GLT1D1: variants seen among roughly 807,000 people sequenced by gnomAD.
GLT1D1 encodes glycosyltransferase 1 domain-containing protein 1.
GLT1D1 carries 21 observed loss-of-function variants against 28.7 expected under a neutral mutation model. The observed-to-expected ratio is 0.73, with a 90% CI of 0.52 to 1.05. GLT1D1 has a LOEUF of 1.05. Among genes scored for constraint, GLT1D1 ranks in the 50% least tolerant of loss-of-function variants. The pLI, the probability that GLT1D1 is intolerant of heterozygous loss-of-function variation, is 0.00. For missense variants in GLT1D1, 343 were observed against 330.6 expected, an observed-to-expected ratio of 1.04 and a Z score of -0.29; for synonymous variants, 147 against 124.8, an observed-to-expected ratio of 1.18 and a Z score of -1.19.
At chr12:128,904,782 CA>C (rs1481490348) in intron 4 of GLT1D1, among the ~76,000 whole-genome samples, 1 of 151,500 alleles carries the variant, frequency 6.6e-6, no homozygotes, top group Non-Finnish European at 1.5e-5. Flanking sequence ...TACAGATGCC[CA>C]CCACCACACC....
At chr12:128,927,820 G>A (rs1873387968) in intron 4 of GLT1D1, among the ~76,000 whole-genome samples, 1 of 151,146 alleles carries the variant, frequency 6.6e-6, no homozygotes, top group Admixed American at 6.6e-5. Context: ...ACAACATGGT[G>A]AAACCCCCAT....
intron 3 of GLT1D1, among the ~76,000 whole-genome samples, chr12:128,891,872 A>G (rs1280352716): frequency 6.6e-6 from 1 of 152,200 alleles, no homozygotes; most frequent in African/African-American, 2.4e-5. Flanking sequence ...ACACGCACTC[A>G]TGACCCAGCC....
At chr12:128,982,714 G>A (rs142902814) in intron 7 of GLT1D1, among the ~76,000 whole-genome samples, 33 of 151,910 alleles carry the variant, frequency 2.2e-4, no homozygotes, top group Admixed American at 6.6e-4. Context: ...GTGTGTGCAT[G>A]TATGTGTGCG....
chr12:128,936,906 G>T (rs533700884), intron 4 of GLT1D1, among the ~76,000 whole-genome samples: 29 of 152,208 alleles, frequency 1.9e-4, no homozygotes, highest in African/African-American at 6.5e-4. Flanking sequence ...CTTGCACTTT[G>T]TTCCACGTGG....
chr12:128,866,551 G>A (rs1956526105), intron 1 of GLT1D1, among the ~76,000 whole-genome samples: 1 of 148,894 alleles, frequency 6.7e-6, no homozygotes, highest in Admixed American at 6.8e-5. Flanking sequence ...CTGTGTGCTG[G>A]ACTTTGTTAG....
intron 4 of GLT1D1, among the ~76,000 whole-genome samples, chr12:128,919,159 C>G (rs1248668481): frequency 6.6e-6 from 1 of 152,092 alleles, no homozygotes; most frequent in African/African-American, 2.4e-5. Flanking sequence ...TGGGGATGGG[C>G]CGTCCTCATC....
intron 4 of GLT1D1, chr12:128,944,471 G>A: frequency 2.3e-6 from 3 of 1,305,726 alleles, no homozygotes; most frequent in South Asian, 1.2e-5. Flanking sequence ...TCATCCTCAC[G>A]CTGAATGAGC....
At chr12:128,862,028 G>A (rs553192874) in intron 1 of GLT1D1, among the ~76,000 whole-genome samples, 8 of 152,024 alleles carry the variant, frequency 5.3e-5, no homozygotes, top group Admixed American at 1.3e-4. Flanking sequence ...ATTTTTCCAC[G>A]TCCAAAGATA....
rs1218887076 is a variant in GLT1D1 at position 128,983,378 on chromosome 12, A to G, written c.*288A>G. Reference sequence around the variant, plus strand: ...GGAACTGGTTTTCAGGGAATTTGGGAGAGAATTTGATTACCTGCCTTAGGG... The same window carrying G: ...GGAACTGGTTTTCAGGGAATTTGGGGGAGAATTTGATTACCTGCCTTAGGG... On this transcript the variant is annotated 3_prime_UTR_variant, in exon 8 of 8. Coordinates refer to ENST00000281703, the MANE Select transcript of GLT1D1 (RefSeq NM_144669.3). This position sits in a 1 kb window ranked among gnomAD's most constrained non-coding sequence, Gnocchi z 4.7. 3 of 363,848 alleles carry G rather than the reference A, an allele frequency of 8.2e-6. No individual in the cohort carries two copies. The highest frequency in any genetic ancestry group is 2.0e-5 in the African/African-American group (1 of 49,576). 22.5% of individuals were successfully genotyped at this position (363,848 alleles called of 1,614,324 possible). A position where few individuals can be genotyped will look rare whatever the true frequency, so the allele number is the denominator to read the frequency against.
intron 4 of GLT1D1, among the ~76,000 whole-genome samples, chr12:128,915,315 GTAGT>G (rs1365518013): frequency 1.3e-5 from 2 of 151,406 alleles, no homozygotes; most frequent in African/African-American, 4.9e-5. Context: ...AATTATACAC[GTAGT>G]TAAATTACCA....
intron 7 of GLT1D1, among the ~76,000 whole-genome samples, chr12:128,975,491 C>T (rs1175119681): frequency 2.0e-5 from 3 of 152,184 alleles, no homozygotes; most frequent in Admixed American, 6.5e-5. Flanking sequence ...CACTCTGTCA[C>T]CCAAGCTGGA....
intron 7 of GLT1D1, among the ~76,000 whole-genome samples, chr12:128,967,895 T>A (rs1456122963): frequency 6.6e-6 from 1 of 152,220 alleles, no homozygotes; most frequent in African/African-American, 2.4e-5. Context: ...GAGATGCAGA[T>A]CCTGCTGCGT....
chr12:128,869,028 C>T (rs556313669), intron 1 of GLT1D1, among the ~76,000 whole-genome samples: 9 of 152,154 alleles, frequency 5.9e-5, no homozygotes, highest in African/African-American at 2.2e-4. Context: ...CACTACCACG[C>T]CCAGCTAATT....
In GLT1D1 at chr12:128,888,663, T is replaced by C; in HGVS notation, c.242T>C (p.Ile81Thr). ...GGCCACCGAATCCCTTTTGGAGTCATCTTTGGTGGAACTGATGTAAATGAA... is the reference window on the plus strand; with the variant it reads ...GGCCACCGAATCCCTTTTGGAGTCACCTTTGGTGGAACTGATGTAAATGAA... Residue 81 changes from isoleucine (I) to threonine (T), a missense_variant, in exon 3 of 8, where the codon ATC (isoleucine) becomes ACC (threonine). Ile to Thr is a moderately conservative substitution (Grantham distance 89). Coordinates refer to ENST00000281703, the MANE Select transcript of GLT1D1 (RefSeq NM_144669.3). The C allele has an allele frequency of 6.2e-7, 1 of 1,613,504 alleles. No homozygotes were observed. The highest frequency in any genetic ancestry group is 1.3e-5 in the African/African-American group (1 of 75,014).
chr12:128,867,843 G>A (rs976669540), intron 1 of GLT1D1, among the ~76,000 whole-genome samples: 7 of 152,208 alleles, frequency 4.6e-5, no homozygotes, highest in East Asian at 1.9e-4. Flanking sequence ...CTGTGGGTCC[G>A]AGGGGGCAGA....
chr12:128,935,653 A>G (rs781632758), intron 4 of GLT1D1, among the ~76,000 whole-genome samples: 20 of 151,966 alleles, frequency 1.3e-4, no homozygotes, highest in Non-Finnish European at 2.5e-4. Flanking sequence ...ATTTGTAGAG[A>G]TGGGATCCCA....
intron 4 of GLT1D1, among the ~76,000 whole-genome samples, chr12:128,907,309 T>C (rs1319232616): frequency 6.7e-6 from 1 of 149,198 alleles, no homozygotes; most frequent in East Asian, 1.9e-4. Flanking sequence ...TAATCTTTTT[T>C]TTTTTTTTTT....
intron 7 of GLT1D1, among the ~76,000 whole-genome samples, chr12:128,972,374 T>C (rs1879267165): frequency 6.6e-6 from 1 of 152,162 alleles, no homozygotes; most frequent in African/African-American, 2.4e-5. Flanking sequence ...ATGTGTGACT[T>C]GGGCTGGAGG....
intron 4 of GLT1D1, among the ~76,000 whole-genome samples, chr12:128,940,060 A>G (rs1244042857): frequency 6.6e-6 from 1 of 151,618 alleles, no homozygotes; most frequent in Non-Finnish European, 1.5e-5. Context: ...GTAGCTCTCA[A>G]TAGATGTATT....
Sources: gnomAD v4.1 joint callset for allele counts (sites outside exome capture counted in the v4.1 genomes callset) on GRCh38, gnomAD v4.1.1 for gene constraint, Gnocchi (gnomAD v3.1) non-coding constraint, MANE v1.5 for transcripts, NCBI Gene and HGNC (gene_info 2026-07-23, HGNC 2026-07-21) for gene names.